Variants in ACVR1 observed in about 807,000 individuals in gnomAD.
ACVR1 encodes activin A receptor type 1.
ACVR1 carries 38 observed loss-of-function variants against 57.1 expected under a neutral mutation model. The observed-to-expected ratio is 0.67, with a 90% CI of 0.51 to 0.87. ACVR1 has a LOEUF of 0.87. Among genes scored for constraint, ACVR1 ranks in the 40% least tolerant of loss-of-function variants. The probability of loss-of-function intolerance (pLI) is 0.00; values close to 1 mark genes in which losing one functional copy is unlikely to be tolerated. For missense variants in ACVR1, 463 were observed against 638.2 expected (o/e 0.73, Z 2.96); for synonymous variants, 212 against 228.1 (o/e 0.93, Z 0.63).
At chr2:157,780,288 C>A (rs1313461582) in intron 4 of ACVR1, 49 bp downstream of exon 4, 1 of 1,613,308 alleles carries the variant, frequency 6.2e-7, no homozygotes, top group South Asian at 1.1e-5. Flanking sequence ...GGACCCAGGA[C>A]AACACTAACA....
At chr2:157,833,645 C>T (rs1230274100) in intron 1 of ACVR1, among the ~76,000 whole-genome samples, 3 of 151,712 alleles carry the variant, frequency 2.0e-5, no homozygotes, top group East Asian at 3.9e-4. Context: ...CAACGAGTTT[C>T]AGGTCACTAA....
intron 5 of ACVR1, among the ~76,000 whole-genome samples, chr2:157,776,297 GTAAT>G (rs1574050920): frequency 1.3e-5 from 2 of 152,242 alleles, no homozygotes; most frequent in East Asian, 3.9e-4. Context: ...ATTGCCCTTG[GTAAT>G]TAGTTATGTT....
intron 9 of ACVR1, among the ~76,000 whole-genome samples, chr2:157,757,913 G>T (rs920902873): frequency 2.6e-5 from 4 of 151,272 alleles, no homozygotes; most frequent in African/African-American, 7.3e-5. Flanking sequence ...AAAAGGAGAA[G>T]AAATGAAGGA....
At chr2:157,868,099 T>G (rs1026621845) in intron 1 of ACVR1, among the ~76,000 whole-genome samples, 1 of 152,136 alleles carries the variant, frequency 6.6e-6, no homozygotes, top group South Asian at 2.1e-4. Flanking sequence ...CTTTTAACTG[T>G]GAATGTGCTG....
At chr2:157,823,381 A>G (rs1316957993) in intron 1 of ACVR1, among the ~76,000 whole-genome samples, 1 of 152,180 alleles carries the variant, frequency 6.6e-6, no homozygotes, top group Admixed American at 6.5e-5. Flanking sequence ...TGACAGAAAC[A>G]CTGTTCTCTC....
In ACVR1 at chr2:157,757,027, T is replaced by TATATATATATTTGAG. The variant is rs1374864957; in HGVS notation, c.1264+3852_1264+3853insCTCAAATATATATAT. Among the ~76,000 whole-genome samples, 13 of 125,832 alleles carry TATATATATATTTGAG rather than the reference T, an allele frequency of 1.0e-4. 1 individual carries two copies. The highest frequency in any genetic ancestry group is 7.4e-4 in the Admixed American group (10 of 13,484). 82.6% of individuals were successfully genotyped at this position (125,832 alleles called of 152,430 possible). On this transcript the variant is annotated intron_variant, in intron 9 of 10. Transcript: ENST00000434821. ...TTGAGATATATATATATTTGATATA[T>TATATATATATTTGAG]ATATATATATATATATAAAATAGAA...
chr2:157,818,001 CAAA>C (rs67822299), intron 2 of ACVR1, among the ~76,000 whole-genome samples: 1 of 125,176 alleles, frequency 8.0e-6, no homozygotes, highest in Non-Finnish European at 1.6e-5. Flanking sequence ...GACTCCGTCT[CAAA>C]AAAAAAAAAA....
intron 1 of ACVR1, among the ~76,000 whole-genome samples, chr2:157,861,016 T>C (rs565153843): frequency 2.5e-3 from 386 of 152,288 alleles, no homozygotes; most frequent in African/African-American, 8.4e-3. Context: ...GTTTTAAAGG[T>C]TGCTGTCTCT....
At chr2:157,796,545 G>A (rs1026843575) in intron 3 of ACVR1, among the ~76,000 whole-genome samples, 2 of 151,926 alleles carry the variant, frequency 1.3e-5, no homozygotes, top group South Asian at 2.1e-4. Context: ...AAGAGACCCC[G>A]TTTCAAACAA....
chr2:157,824,484 A>ATAC (rs1688268362), intron 1 of ACVR1, among the ~76,000 whole-genome samples: 1 of 152,190 alleles, frequency 6.6e-6, no homozygotes, highest in South Asian at 2.1e-4. Flanking sequence ...AATAATAATA[A>ATAC]TAAGCAACTT....
intron 9 of ACVR1, among the ~76,000 whole-genome samples, chr2:157,757,493 C>T (rs1272668694): frequency 6.6e-6 from 1 of 151,734 alleles, no homozygotes; most frequent in Non-Finnish European, 1.5e-5. Flanking sequence ...ATTCTAAAAA[C>T]AGCAGTAGAA....
chr2:157,806,280 A>G (rs1262746000), intron 2 of ACVR1, among the ~76,000 whole-genome samples: 1 of 151,970 alleles, frequency 6.6e-6, no homozygotes, highest in East Asian at 1.9e-4. Context: ...ATTTCATATT[A>G]CTCTGTGACC....
chr2:157,760,844 G>T, intron 9 of ACVR1, 36 bp downstream of exon 9: 1 of 1,599,610 alleles, frequency 6.3e-7, no homozygotes, highest in South Asian at 1.1e-5. Context: ...AAGAGAACTT[G>T]GATTAAGACA....
intron 1 of ACVR1, among the ~76,000 whole-genome samples, chr2:157,842,026 C>CAAAA (rs34227882): frequency 1.0e-5 from 1 of 99,574 alleles, no homozygotes; most frequent in African/African-American, 4.3e-5. Flanking sequence ...GACTCCATCT[C>CAAAA]AAAAAAAAAA....
At chr2:157,811,477 T>G (rs1222208851) in intron 2 of ACVR1, among the ~76,000 whole-genome samples, 1 of 152,346 alleles carries the variant, frequency 6.6e-6, no homozygotes, top group Non-Finnish European at 1.5e-5. Flanking sequence ...TCAAGTTACA[T>G]AGAAACAGAA....
Position 157,737,058 on chromosome 2 carries a change from C to G in ACVR1, c.*473G>C. The G allele has an allele frequency of 3.6e-6, 1 of 276,508 alleles. No homozygotes were observed. Among genetic ancestry groups the G allele is most frequent in the East Asian group, 6.6e-5 (1 of 15,126 alleles). The allele number at this position is 276,508 out of a possible 1,614,324, so 17.1% of individuals were successfully genotyped here. ...CAGCCAACATTTTGGCAAGTTGGGT[C>G]TTTAAAATTAAGAGTAACAGTGCAA... On this transcript the variant is annotated 3_prime_UTR_variant, in exon 11 of 11. Coordinates refer to ENST00000434821, the MANE Select transcript of ACVR1 (RefSeq NM_001111067.4).
At chr2:157,792,401 G>T (rs1686950850) in intron 3 of ACVR1, among the ~76,000 whole-genome samples, 1 of 152,088 alleles carries the variant, frequency 6.6e-6, no homozygotes, top group Admixed American at 6.5e-5. Context: ...AGGCTGAGAA[G>T]GTGCAAATGT....
chr2:157,741,966 G>C (rs1363784157), intron 9 of ACVR1, among the ~76,000 whole-genome samples: 1 of 152,140 alleles, frequency 6.6e-6, no homozygotes, highest in African/African-American at 2.4e-5. Flanking sequence ...ATTCCAGGCA[G>C]AGGGAGGCTA....
At chr2:157,753,212 C>T (rs1189223111) in intron 9 of ACVR1, among the ~76,000 whole-genome samples, 1 of 152,088 alleles carries the variant, frequency 6.6e-6, no homozygotes, top group Non-Finnish European at 1.5e-5. Context: ...TTAAAAAAGA[C>T]AAGAGGAACA....
Sources: allele counts gnomAD v4.1 joint callset (sites outside exome capture counted in the v4.1 genomes callset), GRCh38; gene constraint gnomAD v4.1.1; transcripts MANE v1.5; gene names NCBI Gene and HGNC (gene_info 2026-07-23, HGNC 2026-07-21).